The following MRPS6 variants were observed in gnomAD, a reference collection of about 807,000 sequenced individuals.
MRPS6 encodes small ribosomal subunit protein bS6m.
Under a neutral mutation model 13.1 loss-of-function variants are expected in MRPS6, and 6 were observed. The observed-to-expected ratio is 0.46, with a 90% CI of 0.25 to 0.91. The LOEUF is 0.91. MRPS6 is among the 40% of genes least tolerant of loss of function. MRPS6 has a pLI of 0.18. For synonymous variants in MRPS6, 61 were observed against 56.5 expected (o/e 1.08, Z -0.36); for missense variants, 164 against 155.6 (o/e 1.05, Z -0.29).
At chr21:34,123,403 C>CAGG (rs1371297129) in intron 1 of MRPS6, 22 of 152,204 alleles carry the variant, frequency 1.4e-4, no homozygotes, top group Admixed American at 6.5e-4. Context: ...AGATGTGCAC[C>CAGG]TTGTCTTTGC....
chr21:34,132,974 C>T (rs1036769115), intron 2 of MRPS6, among the ~76,000 whole-genome samples: 3 of 152,158 alleles, frequency 2.0e-5, no homozygotes, highest in Non-Finnish European at 4.4e-5. Context: ...TCAAAGGAGG[C>T]AACGTGTAGG....
intron 1 of MRPS6, among the ~76,000 whole-genome samples, chr21:34,107,922 C>T (rs1326112239): frequency 6.6e-6 from 1 of 152,162 alleles, no homozygotes; most frequent in Non-Finnish European, 1.5e-5. Context: ...TTGGAGTACT[C>T]ACTGCTGTAG....
chr21:34,105,700 T>C, intron 1 of MRPS6: 2 of 998,964 alleles, frequency 2.0e-6, no homozygotes, highest in Non-Finnish European at 2.4e-6. Flanking sequence ...AGTGAGTTTT[T>C]TGAATTGTAA....
At chr21:34,116,178 T>TTGTGTGTGTG (rs57694757) in intron 1 of MRPS6, among the ~76,000 whole-genome samples, 1,444 of 141,348 alleles carry the variant, frequency 0.01, 19 homozygotes, top group South Asian at 0.043. Context: ...CCAGCTAATT[T>TTGTGTGTGTG]TGTGTGTGTG....
intron 1 of MRPS6, chr21:34,100,200 C>T: frequency 2.0e-6 from 2 of 1,000,136 alleles, no homozygotes; most frequent in Non-Finnish European, 1.2e-6. Flanking sequence ...AAATGTCTTA[C>T]CAGGTGTTAA....
At chr21:34,114,989 G>A (rs536048483) in intron 1 of MRPS6, among the ~76,000 whole-genome samples, 3 of 152,170 alleles carry the variant, frequency 2.0e-5, no homozygotes, top group Non-Finnish European at 4.4e-5. Context: ...CCCCTTGGAT[G>A]GGTAAGTGTA....
intron 1 of MRPS6, among the ~76,000 whole-genome samples, chr21:34,086,108 A>G (rs1978359598): frequency 1.3e-5 from 2 of 152,036 alleles, no homozygotes; most frequent in Non-Finnish European, 2.9e-5. Context: ...CCCACTCTTT[A>G]CCTTTCCGGA....
intron 1 of MRPS6, among the ~76,000 whole-genome samples, chr21:34,115,298 C>A (rs1979858825): frequency 6.6e-6 from 1 of 152,130 alleles, no homozygotes; most frequent in Admixed American, 6.5e-5. Flanking sequence ...TTGGATTTCC[C>A]AGGTCTCAAG....
intron 1 of MRPS6, chr21:34,105,921 T>G: frequency 1.0e-6 from 1 of 988,560 alleles, no homozygotes; most frequent in Non-Finnish European, 1.2e-6. Context: ...TATTCTAACC[T>G]ATTGTGTACA....
At chr21:34,100,775 A>G (rs950500656) in intron 1 of MRPS6, 1 of 1,000,202 alleles carries the variant, frequency 1.0e-6, no homozygotes, top group East Asian at 1.1e-4. Context: ...CATTTTCTTT[A>G]TAGTAGGCAT....
chr21:34,135,370 T>G, intron 2 of MRPS6: 1 of 158,726 alleles, frequency 6.3e-6, no homozygotes. Context: ...TTTTTTTTTT[T>G]TTGTGGTGGC....
intron 1 of MRPS6, among the ~76,000 whole-genome samples, chr21:34,106,679 A>G (rs992796384): frequency 6.6e-6 from 1 of 152,192 alleles, no homozygotes; most frequent in Non-Finnish European, 1.5e-5. Flanking sequence ...ATTTGCAGAC[A>G]TTGTTCCCCT....
chr21:34,110,933 AGAC>A (rs1979671738), intron 1 of MRPS6, among the ~76,000 whole-genome samples: 1 of 152,212 alleles, frequency 6.6e-6, no homozygotes. Context: ...TAGGAACACT[AGAC>A]AGCCCTTCAG....
At chr21:34,102,902 G>A (rs1277380481) in intron 1 of MRPS6, 3 of 999,576 alleles carry the variant, frequency 3.0e-6, no homozygotes, top group Non-Finnish European at 3.6e-6. Context: ...AACCGCACAA[G>A]TTGGCAGTAG....
At chr21:34,111,285 A>G (rs1481690551) in intron 1 of MRPS6, among the ~76,000 whole-genome samples, 2 of 152,210 alleles carry the variant, frequency 1.3e-5, no homozygotes, top group African/African-American at 4.8e-5. Context: ...GCAAATACCT[A>G]TGTAACCACC....
At chr21:34,075,495 T>G (rs1602897067) in intron 1 of MRPS6, among the ~76,000 whole-genome samples, 1 of 152,122 alleles carries the variant, frequency 6.6e-6, no homozygotes, top group East Asian at 1.9e-4. Flanking sequence ...GTAATTTGGT[T>G]AAAATAATAA....
Position 34,073,700 on chromosome 21 carries a change from C to A in MRPS6, c.-1C>A, listed in dbSNP as rs754374665. 1.3e-6 allele frequency: 2 copies of A among 1,521,620 alleles called. No individual in the cohort carries two copies. The highest frequency in any genetic ancestry group is 2.3e-5 in the South Asian group (2 of 86,988). The allele number at this position is 1,521,620 out of a possible 1,614,324, so 94.3% of individuals were successfully genotyped here. A position where few individuals can be genotyped will look rare whatever the true frequency, so the allele number is the denominator to read the frequency against. Reference sequence around the variant, plus strand: ...GAGCCGCACTCGCCGATCCTCCAGGCATGCCCCGCTACGAGCTGGCTTTAA... The same window carrying A: ...GAGCCGCACTCGCCGATCCTCCAGGAATGCCCCGCTACGAGCTGGCTTTAA... On this transcript the variant is annotated 5_prime_UTR_variant, in exon 1 of 3. Transcript: ENST00000399312.
chr21:34,116,850 T>A (rs1979935250), intron 1 of MRPS6, among the ~76,000 whole-genome samples: 1 of 152,096 alleles, frequency 6.6e-6, no homozygotes, highest in Non-Finnish European at 1.5e-5. Context: ...CTGGTCAGCA[T>A]AAGTAAACAA....
rs1978648259 is a variant in MRPS6, at chr21:34,090,851, TA to T, written c.45+17111del. ...GTGACGGAGCATGGAACCCAGCCCT[TA>T]AAAACTGTGCTGTTTTCTTCTGTAC... On this transcript the variant is annotated intron_variant, in intron 1 of 2. Transcript: ENST00000399312. Among the ~76,000 whole-genome samples, 3 of 152,312 alleles carry T rather than the reference TA, an allele frequency of 2.0e-5. No homozygotes were observed. In the South Asian group the frequency reaches 6.2e-4, roughly 32 times the overall value.
Sources: allele counts gnomAD v4.1 joint callset (sites outside exome capture counted in the v4.1 genomes callset), GRCh38; gene constraint gnomAD v4.1.1; transcripts MANE v1.5; gene names NCBI Gene and HGNC (gene_info 2026-07-23, HGNC 2026-07-21).